Variants in CDH6 observed in about 807,000 individuals in gnomAD.
CDH6 encodes the protein cadherin 6.
In CDH6, 31 loss-of-function variants were observed where a neutral mutation model predicts 78.0. The ratio of observed to expected loss-of-function variants is 0.40; its 90% CI spans 0.30 to 0.54. CDH6 has a LOEUF of 0.54. CDH6 is among the 20% of genes least tolerant of loss of function. CDH6 has a pLI of 0.56. For synonymous variants in CDH6, 376 were observed against 368.8 expected (o/e 1.02, Z -0.23); for missense variants, 724 against 975.9 (o/e 0.74, Z 3.44).
chr5:31,214,105 T>C (rs1256737154), intron 1 of CDH6, among the ~76,000 whole-genome samples: 1 of 140,504 alleles, frequency 7.1e-6, no homozygotes. Context: ...GGGGCCTTGA[T>C]GACCAGAAAG....
intron 5 of CDH6, among the ~76,000 whole-genome samples, chr5:31,300,680 C>A (rs1014637266): frequency 6.6e-6 from 1 of 152,124 alleles, no homozygotes; most frequent in Non-Finnish European, 1.5e-5. Context: ...CATAAGGATT[C>A]CCCCGCACCC....
rs778197559 is a variant in CDH6, at chr5:31,267,444, A to G, written c.-30A>G. ...AGGCACTTCCAAGAGTGGGGCACTC[A>G]CTACGCACAGACTCGACGGTGCCAT... is the stretch of plus-strand genomic sequence containing the variant. On this transcript the variant is annotated 5_prime_UTR_variant, in exon 2 of 12. Transcript: ENST00000265071. 7.8e-6 allele frequency: 12 copies of G among 1,547,548 alleles called. No individual in the cohort carries two copies. In the African/African-American group the frequency reaches 1.1e-4, roughly 14 times the overall value.
rs1738534530 is a variant in CDH6, at chr5:31,323,519, T to C, written c.*211T>C. 1 of 538,038 alleles carries C rather than the reference T, an allele frequency of 1.9e-6. No homozygotes were observed. The highest frequency in any genetic ancestry group is 3.3e-6 in the Non-Finnish European group (1 of 306,676). 33.3% of individuals were successfully genotyped at this position (538,038 alleles called of 1,614,324 possible). On this transcript the variant is annotated 3_prime_UTR_variant, in exon 12 of 12. Transcript: ENST00000265071. ...AATTTTTATTTTTTAGTGCATCCAG[T>C]TAACCAAGTCAGCCCAACAGGCAGG...
intron 1 of CDH6, among the ~76,000 whole-genome samples, chr5:31,204,286 C>CA (rs1161427321): frequency 6.6e-6 from 1 of 151,958 alleles, no homozygotes; most frequent in Admixed American, 6.6e-5. Context: ...CTTTGTGTTC[C>CA]AAAAAGCAAT....
chr5:31,283,379 G>C (rs1315435201), intron 2 of CDH6, among the ~76,000 whole-genome samples: 1 of 152,162 alleles, frequency 6.6e-6, no homozygotes, highest in East Asian at 1.9e-4. Context: ...GGTTAATAGA[G>C]TAGGCCACCT....
At chr5:31,237,687 C>T (rs1223691276) in intron 1 of CDH6, among the ~76,000 whole-genome samples, 2 of 152,160 alleles carry the variant, frequency 1.3e-5, no homozygotes, top group African/African-American at 4.8e-5. Flanking sequence ...CCCATTATTT[C>T]TTTGTGTGTG....
At position 31,217,969 on chromosome 5, in the gene CDH6, C is replaced by T. The variant is rs545536013; in HGVS notation, c.-129+24083C>T. Among the ~76,000 whole-genome samples the T allele has an allele frequency of 4.6e-5, 7 of 151,954 alleles. No homozygotes were observed. In the South Asian group the frequency reaches 1.0e-3, roughly 23 times the overall value. On this transcript the variant is annotated intron_variant, in intron 1 of 11. Coordinates refer to ENST00000265071, the MANE Select transcript of CDH6 (RefSeq NM_004932.4). ...TGTAAGTACAGATGAAGCTAAAATT[C>T]GATATTTAGTAGTTTTCTTGCTGAA...
At chr5:31,306,407 G>A (rs72749702) in intron 7 of CDH6, among the ~76,000 whole-genome samples, 318 of 152,160 alleles carry the variant, frequency 2.1e-3, no homozygotes, top group Non-Finnish European at 3.0e-3. Flanking sequence ...CAGTATTCTC[G>A]GATCTTAACA....
At chr5:31,319,690 T>C (rs532525187) in intron 11 of CDH6, among the ~76,000 whole-genome samples, 50 of 152,214 alleles carry the variant, frequency 3.3e-4, no homozygotes, top group African/African-American at 1.2e-3. Context: ...AATGTGACGA[T>C]TGAAGAAAGT....
intron 7 of CDH6, among the ~76,000 whole-genome samples, chr5:31,311,681 G>A (rs1159462190): frequency 6.6e-6 from 1 of 152,166 alleles, no homozygotes; most frequent in Non-Finnish European, 1.5e-5. Context: ...CTAGGAGGCT[G>A]CAGAAAACTT....
intron 2 of CDH6, among the ~76,000 whole-genome samples, chr5:31,292,644 G>T (rs537016729): frequency 9.2e-5 from 14 of 151,808 alleles, no homozygotes; most frequent in African/African-American, 3.4e-4. Context: ...TATATACCAT[G>T]GATGCTTAAA....
At chr5:31,263,280 G>T (rs1265746857) in intron 1 of CDH6, among the ~76,000 whole-genome samples, 9 of 131,362 alleles carry the variant, frequency 6.9e-5, no homozygotes, top group Non-Finnish European at 9.8e-5. Context: ...TTTTTTTCCA[G>T]ACAGTTTTGC....
rs1211213609 is a variant in CDH6 at position 31,302,266 on chromosome 5, G to A, written c.967G>A (p.Glu323Lys). The change falls in exon 6 of 12, where the codon GAA becomes AAA. Residue 323 changes from glutamate (E) to lysine (K), a missense_variant. Glu to Lys is a moderately conservative substitution (Grantham distance 56). Transcript: ENST00000265071. ...TATGTTTGATGTCATCACCGACCAG[G>A]AAACCCAGGAAGGGATTATAACTGT... ...LDMFDVITDQ[E>K]TQEGIITVKK... 11 of 1,613,476 alleles carry A rather than the reference G, an allele frequency of 6.8e-6. No homozygotes were observed. In the African/African-American group the frequency reaches 1.3e-4, roughly 20 times the overall value.
chr5:31,309,583 T>C (rs1738086986), intron 7 of CDH6, among the ~76,000 whole-genome samples: 1 of 152,164 alleles, frequency 6.6e-6, no homozygotes, highest in South Asian at 2.1e-4. Flanking sequence ...TCAACTTTCT[T>C]CAGTTTTCTC....
intron 1 of CDH6, among the ~76,000 whole-genome samples, chr5:31,247,230 A>G (rs895677019): frequency 1.3e-5 from 2 of 152,220 alleles, no homozygotes; most frequent in Non-Finnish European, 2.9e-5. Context: ...AAAAATAGCT[A>G]GTAGGTATCT....
At chr5:31,230,304 A>G (rs1028382095) in intron 1 of CDH6, among the ~76,000 whole-genome samples, 1 of 152,224 alleles carries the variant, frequency 6.6e-6, no homozygotes, top group South Asian at 2.1e-4. Context: ...AAAGACATAG[A>G]GAACTCACTA....
intron 1 of CDH6, among the ~76,000 whole-genome samples, chr5:31,230,350 C>T (rs1741281682): frequency 6.6e-6 from 1 of 152,214 alleles, no homozygotes; most frequent in Non-Finnish European, 1.5e-5. Flanking sequence ...ATAACCATCA[C>T]AGGCAGAGAA....
intron 1 of CDH6, among the ~76,000 whole-genome samples, chr5:31,254,340 G>A (rs7717434): frequency 0.36 from 54,780 of 151,988 alleles, 10,127 homozygotes; most frequent in African/African-American, 0.42. Flanking sequence ...ACTTAATAAG[G>A]AAAGAAAAAA....
intron 5 of CDH6, among the ~76,000 whole-genome samples, chr5:31,300,140 A>G (rs1218773612): frequency 2.0e-5 from 3 of 152,234 alleles, no homozygotes; most frequent in Non-Finnish European, 2.9e-5. Flanking sequence ...TAGTTGAGAT[A>G]CCGAAAGTTG....
Sources: gnomAD v4.1 joint callset for allele counts (sites outside exome capture counted in the v4.1 genomes callset) on GRCh38, gnomAD v4.1.1 for gene constraint, MANE v1.5 for transcripts, NCBI Gene and HGNC (gene_info 2026-07-23, HGNC 2026-07-21) for gene names.